The following BAIAP2 variants were observed in gnomAD, a reference collection of about 807,000 sequenced individuals.
BAIAP2 encodes the protein BAR/IMD domain-containing adapter protein 2.
BAIAP2 carries 18 observed loss-of-function variants against 63.0 expected under a neutral mutation model. The observed-to-expected ratio is 0.29, with a 90% CI of 0.20 to 0.42. The LOEUF (loss-of-function observed/expected upper bound fraction) is 0.42. Among genes scored for constraint, BAIAP2 ranks in the 10% least tolerant of loss-of-function variants. The pLI, the probability that BAIAP2 is intolerant of heterozygous loss-of-function variation, is 1.00. For missense variants in BAIAP2, 610 were observed against 734.3 expected, an observed-to-expected ratio of 0.83 and a Z score of 1.96; for synonymous variants, 386 against 307.6, an observed-to-expected ratio of 1.25 and a Z score of -2.67.
At chr17:81,095,285 C>T (rs2057434691) in intron 6 of BAIAP2, among the ~76,000 whole-genome samples, 1 of 152,164 alleles carries the variant, frequency 6.6e-6, no homozygotes, top group Non-Finnish European at 1.5e-5. Flanking sequence ...ACAGACCAGG[C>T]CGTGCTCTGT....
chr17:81,081,358 G>C (rs1373539692), intron 3 of BAIAP2, among the ~76,000 whole-genome samples: 2 of 152,196 alleles, frequency 1.3e-5, no homozygotes, highest in Admixed American at 6.5e-5. Context: ...TCTGCCCCCG[G>C]CCTGAAGCTT....
intron 3 of BAIAP2, among the ~76,000 whole-genome samples, chr17:81,080,202 G>A (rs1002710584): frequency 3.3e-5 from 5 of 152,216 alleles, no homozygotes; most frequent in South Asian, 2.1e-4. Context: ...GGGGTTAAGC[G>A]CTGGTGGCTG....
At chr17:81,093,670 G>A (rs1319840949) in intron 6 of BAIAP2, among the ~76,000 whole-genome samples, 1 of 152,150 alleles carries the variant, frequency 6.6e-6, no homozygotes, top group Non-Finnish European at 1.5e-5. Context: ...GGTGCCCCCA[G>A]GATCCCCCCT....
chr17:81,057,841 C>T, intron 2 of BAIAP2, 40 bp from the exon 3 acceptor site: 1 of 1,596,426 alleles, frequency 6.3e-7, no homozygotes, highest in Non-Finnish European at 8.6e-7. Context: ...TTGTCTGTCC[C>T]TCGTGGAGGA....
chr17:81,058,118 G>A, intron 3 of BAIAP2, 151 bp downstream of exon 3: 2 of 687,268 alleles, frequency 2.9e-6, no homozygotes, highest in Non-Finnish European at 4.7e-6. Context: ...CCTGGGAGCT[G>A]CCTTGTGGGG....
intron 1 of BAIAP2, among the ~76,000 whole-genome samples, chr17:81,038,125 C>T (rs1021592973): frequency 7.2e-5 from 11 of 152,220 alleles, no homozygotes; most frequent in Non-Finnish European, 1.0e-4. Context: ...AGCCCGGGCC[C>T]AGCGCTTGCT....
chr17:81,092,257 C>T (rs955287751), intron 6 of BAIAP2, among the ~76,000 whole-genome samples: 3 of 152,232 alleles, frequency 2.0e-5, no homozygotes, highest in South Asian at 4.1e-4. Flanking sequence ...GCCCATGGCA[C>T]GTGTGAGGGG....
chr17:81,089,618 C>T (rs995840121), intron 6 of BAIAP2, among the ~76,000 whole-genome samples: 40 of 151,902 alleles, frequency 2.6e-4, no homozygotes, highest in African/African-American at 5.8e-4. Flanking sequence ...CCCCCTCGTC[C>T]GCAGGAGGGC....
At chr17:81,050,749 A>G (rs2048543900) in intron 1 of BAIAP2, among the ~76,000 whole-genome samples, 1 of 146,170 alleles carries the variant, frequency 6.8e-6, no homozygotes. Flanking sequence ...ACACGTGGAC[A>G]CACATGCACA....
chr17:81,049,490 A>T (rs2048334198), intron 1 of BAIAP2, among the ~76,000 whole-genome samples: 1 of 152,116 alleles, frequency 6.6e-6, no homozygotes, highest in Non-Finnish European at 1.5e-5. Context: ...TGGTGTTGAT[A>T]AGAAACAAGC....
At chr17:81,068,055 C>G (rs1318461514) in intron 3 of BAIAP2, among the ~76,000 whole-genome samples, 3 of 152,238 alleles carry the variant, frequency 2.0e-5, no homozygotes, top group African/African-American at 7.2e-5. Context: ...GGGCAGGTGT[C>G]TGCATCTCTG....
At chr17:81,089,022 G>A (rs1479605048) in intron 6 of BAIAP2, among the ~76,000 whole-genome samples, 1 of 152,242 alleles carries the variant, frequency 6.6e-6, no homozygotes, top group African/African-American at 2.4e-5. Context: ...TCTTCAGGAG[G>A]GCCCTGACCG....
chr17:81,116,594 G>T lies in BAIAP2; in HGVS notation c.*755G>T. On this transcript the variant is annotated 3_prime_UTR_variant, in exon 14 of 14. Transcript: ENST00000428708. ...ACCAGCAGAGTGCCCGCTGGCAGGT[G>T]GGGGCTTCCCCGCTTCCGGGGTCTG... The T allele has an allele frequency of 2.1e-6, 1 of 470,590 alleles. No homozygotes were observed. The highest frequency in any genetic ancestry group is 3.9e-6 in the Non-Finnish European group (1 of 258,004). The allele number at this position is 470,590 out of a possible 1,614,324, so 29.2% of individuals were successfully genotyped here.
chr17:81,064,998 G>A (rs1024897313), intron 3 of BAIAP2, among the ~76,000 whole-genome samples: 3 of 152,266 alleles, frequency 2.0e-5, no homozygotes, highest in South Asian at 2.1e-4. Context: ...TCCAATCCCC[G>A]CCATGGTGTT....
intron 2 of BAIAP2, 146 bp from the exon 3 acceptor site, chr17:81,057,735 G>A: frequency 7.1e-7 from 1 of 1,412,746 alleles, no homozygotes; most frequent in Non-Finnish European, 9.2e-7. Context: ...GTCCAACCCA[G>A]AAATCACAGC....
At chr17:81,114,684 C>T (rs1358114474) in intron 13 of BAIAP2, among the ~76,000 whole-genome samples, 1 of 152,230 alleles carries the variant, frequency 6.6e-6, no homozygotes, top group East Asian at 1.9e-4. Context: ...AACACAAAGT[C>T]CTCAGGAAAG....
chr17:81,078,238 T>C (rs1598663801), intron 3 of BAIAP2, among the ~76,000 whole-genome samples: 1 of 124,552 alleles, frequency 8.0e-6, no homozygotes, highest in Non-Finnish European at 1.7e-5. Context: ...GTGCTGTGGG[T>C]ACGGGTGCCG....
At chr17:81,104,845 G>T in intron 10 of BAIAP2, 130 bp downstream of exon 10, 1 of 994,546 alleles carries the variant, frequency 1.0e-6, no homozygotes, top group Non-Finnish European at 1.5e-6. Context: ...CGCCGTAGAA[G>T]ACCTGGGCAG....
At chr17:81,055,574 G>GTTTTTTTTTTTTTTTTT (rs1555657874) in intron 2 of BAIAP2, among the ~76,000 whole-genome samples, 1 of 123,406 alleles carries the variant, frequency 8.1e-6, no homozygotes, top group East Asian at 2.7e-4. Context: ...AGGGTGTTTT[G>GTTTTTTTTTTTTTTTTT]TTTTTTTTTG....
Sources: gnomAD v4.1 joint callset for allele counts (sites outside exome capture counted in the v4.1 genomes callset) on GRCh38, gnomAD v4.1.1 for gene constraint, MANE v1.5 for transcripts, NCBI Gene and HGNC (gene_info 2026-07-23, HGNC 2026-07-21) for gene names.